The following RGS7 variants were observed in gnomAD, a reference collection of about 807,000 sequenced individuals.
RGS7 encodes the protein regulator of G-protein signaling 7.
In RGS7, 27 loss-of-function variants were observed where a neutral mutation model predicts 81.1. The observed-to-expected ratio is 0.33, with a 90% CI of 0.25 to 0.46. RGS7 has a LOEUF of 0.46. RGS7 is among the 20% of genes least tolerant of loss of function. The pLI, the probability that RGS7 is intolerant of heterozygous loss-of-function variation, is 1.00. For synonymous variants in RGS7, 208 were observed against 207.7 expected (o/e 1.00, Z -0.01); for missense variants, 396 against 607.4 (o/e 0.65, Z 3.66).
intron 3 of RGS7, among the ~76,000 whole-genome samples, chr1:240,983,708 C>T (rs1407458781): frequency 6.6e-6 from 1 of 152,242 alleles, no homozygotes; most frequent in Non-Finnish European, 1.5e-5. Context: ...ACTGAGTTCA[C>T]AGTACTGTCC....
At chr1:241,165,817 A>G (rs1294969121) in intron 2 of RGS7, among the ~76,000 whole-genome samples, 1 of 152,018 alleles carries the variant, frequency 6.6e-6, no homozygotes, top group Non-Finnish European at 1.5e-5. Context: ...CCTGAAAAAA[A>G]AAAAGAAAGA....
intron 6 of RGS7, among the ~76,000 whole-genome samples, chr1:240,901,114 T>C (rs1196236041): frequency 6.6e-6 from 1 of 152,204 alleles, no homozygotes; most frequent in Non-Finnish European, 1.5e-5. Flanking sequence ...TATAATCTCC[T>C]GGTGTGCCGT....
chr1:241,220,998 AGAGAG>A (rs2074913047), intron 2 of RGS7, among the ~76,000 whole-genome samples: 5 of 57,612 alleles, frequency 8.7e-5, no homozygotes, highest in African/African-American at 2.4e-4. Flanking sequence ...AGGAAGGAAG[AGAGAG>A]AGAAAGGAAG....
chr1:240,922,060 G>A (rs1673643225), intron 6 of RGS7, among the ~76,000 whole-genome samples: 1 of 151,650 alleles, frequency 6.6e-6, no homozygotes, highest in South Asian at 2.1e-4. Context: ...AATAAATCAA[G>A]GAAAAAGAAT....
chr1:241,119,675 A>G (rs1307085615), intron 2 of RGS7, among the ~76,000 whole-genome samples: 1 of 152,208 alleles, frequency 6.6e-6, no homozygotes, highest in South Asian at 2.1e-4. Context: ...TGTTAATATC[A>G]CCACTGATAC....
intron 6 of RGS7, among the ~76,000 whole-genome samples, chr1:240,911,512 A>G (rs1308306950): frequency 6.6e-6 from 1 of 152,190 alleles, no homozygotes; most frequent in East Asian, 1.9e-4. Context: ...GGCTTTAACT[A>G]TAACCTGACT....
intron 2 of RGS7, among the ~76,000 whole-genome samples, chr1:241,296,930 T>C (rs982514858): frequency 6.6e-6 from 1 of 151,656 alleles, no homozygotes; most frequent in Non-Finnish European, 1.5e-5. Context: ...TTTAATTAGC[T>C]GGGTTTTTTT....
chr1:241,176,370 A>G (rs1396836230), intron 2 of RGS7, among the ~76,000 whole-genome samples: 1 of 152,052 alleles, frequency 6.6e-6, no homozygotes, highest in Admixed American at 6.5e-5. Flanking sequence ...CTGAGTTACT[A>G]GTTTGCTTGC....
At chr1:241,220,986 G>GA (rs1558203155) in intron 2 of RGS7, among the ~76,000 whole-genome samples, 5 of 61,818 alleles carry the variant, frequency 8.1e-5, no homozygotes, top group East Asian at 5.2e-4. Flanking sequence ...AGGAAGGAAG[G>GA]AAGGAAGGAA....
chr1:241,170,575 G>T (rs866581187), intron 2 of RGS7, among the ~76,000 whole-genome samples: 12 of 152,256 alleles, frequency 7.9e-5, no homozygotes, highest in Non-Finnish European at 1.5e-4. Context: ...GAGGCACCGT[G>T]GTGGGGTGTA....
At chr1:240,943,177 C>T (rs1677889751) in intron 4 of RGS7, among the ~76,000 whole-genome samples, 3 of 152,026 alleles carry the variant, frequency 2.0e-5, no homozygotes, top group Admixed American at 2.0e-4. Flanking sequence ...TTGAGGAATG[C>T]AATAAGAAAT....
chr1:240,826,119 C>G (rs1692768396), intron 10 of RGS7, among the ~76,000 whole-genome samples: 1 of 152,156 alleles, frequency 6.6e-6, no homozygotes, highest in East Asian at 1.9e-4. Flanking sequence ...AGAGACAGAC[C>G]AGACAGGCTT....
At chr1:241,351,003 T>A (rs1012868126) in intron 2 of RGS7, among the ~76,000 whole-genome samples, 1 of 152,172 alleles carries the variant, frequency 6.6e-6, no homozygotes, top group African/African-American at 2.4e-5. Context: ...ACTTCAGAAG[T>A]AGCTTTCAAA....
intron 3 of RGS7, among the ~76,000 whole-genome samples, chr1:241,092,974 A>G (rs2148935828): frequency 6.6e-6 from 1 of 152,314 alleles, no homozygotes; most frequent in Non-Finnish European, 1.5e-5. Context: ...GCAACTACAG[A>G]AAAAAGGAAA....
chr1:241,116,643 C>T (rs1341656987), intron 2 of RGS7, among the ~76,000 whole-genome samples: 1 of 152,018 alleles, frequency 6.6e-6, no homozygotes, highest in African/African-American at 2.4e-5. Flanking sequence ...TTTTTATATA[C>T]ATTCTGTAAA....
intron 3 of RGS7, among the ~76,000 whole-genome samples, chr1:241,006,132 A>C (rs531462614): frequency 6.6e-6 from 1 of 152,156 alleles, no homozygotes; most frequent in African/African-American, 2.4e-5. Context: ...ATAAAAAAAA[A>C]CCCAGTGGTA....
At chr1:241,064,183 C>CAAA (rs140883852) in intron 3 of RGS7, among the ~76,000 whole-genome samples, 2 of 78,180 alleles carry the variant, frequency 2.6e-5, no homozygotes, top group Non-Finnish European at 5.1e-5. Flanking sequence ...AACTCAGTTT[C>CAAA]AAAAAAAAAA....
Position 240,868,878 on chromosome 1 carries a change from C to T in RGS7, c.451-26G>A. 6.2e-7 allele frequency: 1 copy of T among 1,608,924 alleles called. No homozygotes were observed. Among genetic ancestry groups the T allele is most frequent in the Non-Finnish European group, 8.5e-7 (1 of 1,175,396 alleles). On this transcript the variant is annotated intron_variant, in intron 7 of 18. Transcript: ENST00000440928. The surrounding 1 kb of genome is among the most constrained non-coding windows in gnomAD (Gnocchi z 5.1). Reference sequence around the variant, plus strand: ...CTGAAAAACATACCCCAGGTGAAGACATTTGGTGTTCATTGTCACTGCTCT... The same window carrying T: ...CTGAAAAACATACCCCAGGTGAAGATATTTGGTGTTCATTGTCACTGCTCT...
intron 2 of RGS7, among the ~76,000 whole-genome samples, chr1:241,174,127 C>G (rs7545275): frequency 0.22 from 32,834 of 152,146 alleles, 4,132 homozygotes; most frequent in Admixed American, 0.28. Context: ...GGAGATAAAC[C>G]AAAGAAAAAT....
Sources: gnomAD v4.1 joint callset for allele counts (sites outside exome capture counted in the v4.1 genomes callset) on GRCh38, gnomAD v4.1.1 for gene constraint, Gnocchi (gnomAD v3.1) non-coding constraint, MANE v1.5 for transcripts, NCBI Gene and HGNC (gene_info 2026-07-23, HGNC 2026-07-21) for gene names.